TXLNB: variants seen among roughly 807,000 people sequenced by gnomAD.
TXLNB encodes taxilin beta, also known as beta-taxilin.
In TXLNB, 37 loss-of-function variants were observed where a neutral mutation model predicts 57.4. That is an observed-to-expected ratio of 0.64 (90% CI 0.50 to 0.85). The LOEUF is 0.85. Ranked by LOEUF, TXLNB falls within the 40% of genes least tolerant of loss-of-function variation. The probability of loss-of-function intolerance (pLI) is 0.00; values close to 1 mark genes in which losing one functional copy is unlikely to be tolerated. For missense variants in TXLNB, 848 were observed against 825.6 expected (o/e 1.03, Z -0.33); for synonymous variants, 302 against 309.6 (o/e 0.98, Z 0.26).
intron 3 of TXLNB, among the ~76,000 whole-genome samples, chr6:139,275,014 A>C (rs1776858043): frequency 6.6e-6 from 1 of 152,198 alleles, no homozygotes; most frequent in Admixed American, 6.5e-5. Flanking sequence ...TACAAGTTGC[A>C]AGAAAATTGA....
the TXLNB span, among the ~76,000 whole-genome samples, chr6:139,213,773 C>CA: frequency 1.3e-5 from 2 of 152,010 alleles, no homozygotes; most frequent in Admixed American, 6.5e-5. Context: ...CAAATAAACG[C>CA]AATAAAAAAT....
At chr6:139,270,095 T>C (rs937715444) in intron 4 of TXLNB, among the ~76,000 whole-genome samples, 13 of 152,208 alleles carry the variant, frequency 8.5e-5, no homozygotes, top group Admixed American at 6.5e-4. Context: ...AAATGTATTT[T>C]TTTAAAAGAA....
the TXLNB span, among the ~76,000 whole-genome samples, chr6:139,313,055 A>C: frequency 6.6e-6 from 1 of 151,906 alleles, no homozygotes; most frequent in East Asian, 1.9e-4. Context: ...AAGTGTTAAT[A>C]AACTTCTATT....
At chr6:139,194,080 A>T in the TXLNB span, among the ~76,000 whole-genome samples, 1 of 151,562 alleles carries the variant, frequency 6.6e-6, no homozygotes, top group African/African-American at 2.4e-5. Flanking sequence ...TGACCTCGTG[A>T]TCCGCCCGCC....
chr6:139,244,900 G>C (rs1776036002), intron 8 of TXLNB, among the ~76,000 whole-genome samples: 1 of 152,182 alleles, frequency 6.6e-6, no homozygotes, highest in South Asian at 2.1e-4. Flanking sequence ...TTGCACCTGA[G>C]CCAATTCAGG....
At chr6:139,237,264 G>A (rs60735483), downstream of TXLNB, 15,537 of 152,116 alleles carry the variant, frequency 0.1, 2,188 homozygotes, top group African/African-American at 0.32. Context: ...CACTTTTGGA[G>A]GCTGAGGCAG....
chr6:139,290,657 T>C (rs2114648927), intron 1 of TXLNB, among the ~76,000 whole-genome samples: 1 of 152,144 alleles, frequency 6.6e-6, no homozygotes. Context: ...GATTCCAGGG[T>C]TTCTGACTAT....
chr6:139,241,271 T>C lies in TXLNB; in HGVS notation c.*1255A>G, dbSNP rs1775927193. 6.6e-6 allele frequency: 1 copy of C among 152,230 alleles called. No individual in the cohort carries two copies. The highest frequency in any genetic ancestry group is 6.5e-5 in the Admixed American group (1 of 15,282). The allele number at this position is 152,230 out of a possible 1,614,324, so 9.4% of individuals were successfully genotyped here. ...CAGAAAACGTGTTGGTTTGTAAGCCTCATCACTGATATTGAGACCCAGTGT... is the reference window on the plus strand; with the variant it reads ...CAGAAAACGTGTTGGTTTGTAAGCCCCATCACTGATATTGAGACCCAGTGT... On this transcript the variant is annotated 3_prime_UTR_variant, in exon 10 of 10. Transcript: ENST00000358430.
chr6:139,255,691 C>G, intron 6 of TXLNB, 53 bp from the exon 7 acceptor site: 1 of 1,432,248 alleles, frequency 7.0e-7, no homozygotes, highest in South Asian at 1.2e-5. Context: ...TTTTAGATTA[C>G]TATTTGGCTG....
At chr6:139,252,758 G>A (rs190755987) in intron 7 of TXLNB, among the ~76,000 whole-genome samples, 1 of 152,348 alleles carries the variant, frequency 6.6e-6, no homozygotes, top group Non-Finnish European at 1.5e-5. Context: ...TTGGGAGGCC[G>A]AGGTGGGCTG....
intron 2 of TXLNB, among the ~76,000 whole-genome samples, chr6:139,280,629 C>G (rs1212511812): frequency 2.0e-5 from 3 of 152,114 alleles, no homozygotes; most frequent in Non-Finnish European, 4.4e-5. Context: ...GGGGACAGAG[C>G]GAGACTCCAT....
chr6:139,239,666 T>A (rs72988899), downstream of TXLNB: 22,528 of 152,030 alleles, frequency 0.15, 2,052 homozygotes, highest in East Asian at 0.22. The surrounding 1 kb of genome is among the most constrained non-coding windows in gnomAD (Gnocchi z 4.7). Context: ...CTAATTTTTT[T>A]AAAACATTTT....
the TXLNB span, among the ~76,000 whole-genome samples, chr6:139,168,224 G>A: frequency 6.6e-6 from 1 of 151,994 alleles, no homozygotes; most frequent in Non-Finnish European, 1.5e-5. Context: ...CTTTGAAGGT[G>A]GATGACTGTG....
At chr6:139,295,548 G>A (rs913461435), upstream of TXLNB, among the ~76,000 whole-genome samples, 1 of 151,274 alleles carries the variant, frequency 6.6e-6, no homozygotes, top group Admixed American at 6.6e-5. Context: ...CTTTCTAGAG[G>A]TAATAACATA....
chr6:139,313,016 A>C, the TXLNB span, among the ~76,000 whole-genome samples: 2 of 151,510 alleles, frequency 1.3e-5, no homozygotes, highest in African/African-American at 4.9e-5. Flanking sequence ...CTCATCCCTG[A>C]GTTTCTCTAA....
At chr6:139,286,847 G>C (rs1007340302) in intron 2 of TXLNB, 3 of 180,422 alleles carry the variant, frequency 1.7e-5, no homozygotes, top group Non-Finnish European at 3.3e-5. Context: ...ACCCCCAGAT[G>C]GGACCGTCTA....
the TXLNB span, among the ~76,000 whole-genome samples, chr6:139,303,072 G>A: frequency 2.0e-5 from 3 of 152,118 alleles, no homozygotes; most frequent in Non-Finnish European, 4.4e-5. Context: ...TTAAAGTCAT[G>A]GATATTTTGA....
chr6:139,218,430 A>G, the TXLNB span, among the ~76,000 whole-genome samples: 22 of 152,212 alleles, frequency 1.4e-4, no homozygotes, highest in Non-Finnish European at 1.5e-5. Context: ...TACTTAGGGC[A>G]TCTGCAAAGC....
the TXLNB span, among the ~76,000 whole-genome samples, chr6:139,314,100 A>G: frequency 4.6e-5 from 7 of 152,202 alleles, no homozygotes; most frequent in African/African-American, 1.7e-4. Context: ...TTTTACCCCA[A>G]AATAGATTGC....
Sources: gnomAD v4.1 joint callset for allele counts (sites outside exome capture counted in the v4.1 genomes callset) on GRCh38, gnomAD v4.1.1 for gene constraint, Gnocchi (gnomAD v3.1) non-coding constraint, MANE v1.5 for transcripts, NCBI Gene and HGNC (gene_info 2026-07-23, HGNC 2026-07-21) for gene names.